The following SLC44A5 variants were observed in gnomAD, a reference collection of about 807,000 sequenced individuals.
The protein encoded by SLC44A5 is choline transporter-like protein 5.
SLC44A5 carries 57 observed loss-of-function variants against 101.8 expected under a neutral mutation model. The ratio of observed to expected loss-of-function variants is 0.56; its 90% CI spans 0.45 to 0.70. The LOEUF (loss-of-function observed/expected upper bound fraction) is 0.70. SLC44A5 is among the 30% of genes least tolerant of loss of function. The probability of loss-of-function intolerance (pLI) is 0.00; values close to 1 mark genes in which losing one functional copy is unlikely to be tolerated. For missense variants in SLC44A5, 737 were observed against 853.1 expected (o/e 0.86, Z 1.70); for synonymous variants, 281 against 290.9 (o/e 0.97, Z 0.35).
At chr1:75,685,303 T>C in the SLC44A5 span, among the ~76,000 whole-genome samples, 1 of 152,196 alleles carries the variant, frequency 6.6e-6, no homozygotes, top group Admixed American at 6.5e-5. Context: ...TTCCCCATTG[T>C]CTTGATGATT....
intron 2 of SLC44A5, among the ~76,000 whole-genome samples, chr1:75,476,845 A>G (rs1037596795): frequency 6.6e-6 from 1 of 152,248 alleles, no homozygotes; most frequent in African/African-American, 2.4e-5. Context: ...ACAAAAAGAC[A>G]GCAGTAACCT....
At chr1:75,369,532 A>G (rs1329783413) in intron 3 of SLC44A5, among the ~76,000 whole-genome samples, 20 of 152,158 alleles carry the variant, frequency 1.3e-4, no homozygotes, top group Admixed American at 1.2e-3. Flanking sequence ...AGATACATAC[A>G]TTCCATAAAA....
the SLC44A5 span, among the ~76,000 whole-genome samples, chr1:75,644,734 C>T: frequency 2.6e-5 from 4 of 152,000 alleles, no homozygotes; most frequent in Non-Finnish European, 5.9e-5. Flanking sequence ...TGGTGTGCTG[C>T]ACCTATTAAC....
upstream of SLC44A5, among the ~76,000 whole-genome samples, chr1:75,611,317 T>C (rs1675646368): frequency 2.0e-5 from 3 of 152,144 alleles, no homozygotes; most frequent in African/African-American, 7.2e-5. Context: ...AAGAAGTAGG[T>C]AGTTTGGAGG....
chr1:75,221,960 CTTTTT>C (rs1386952425), intron 14 of SLC44A5, among the ~76,000 whole-genome samples: 1 of 97,184 alleles, frequency 1.0e-5, no homozygotes, highest in Non-Finnish European at 1.9e-5. Context: ...TCTTCTTCTT[CTTTTT>C]TTTTTTTTTT....
upstream of SLC44A5, chr1:75,616,018 G>T: frequency 2.3e-6 from 1 of 436,426 alleles, no homozygotes. Flanking sequence ...GCGAGCAGCA[G>T]CGGCGGCCGG....
chr1:75,678,821 G>A, the SLC44A5 span, among the ~76,000 whole-genome samples: 7 of 152,086 alleles, frequency 4.6e-5, no homozygotes, highest in East Asian at 5.8e-4. Flanking sequence ...CCTGAGCTAT[G>A]GGAGGACATT....
intron 3 of SLC44A5, among the ~76,000 whole-genome samples, chr1:75,375,985 G>C (rs576362730): frequency 1.3e-5 from 2 of 152,304 alleles, no homozygotes; most frequent in African/African-American, 4.8e-5. Flanking sequence ...TGTGTGCACC[G>C]TGTGCGAGCC....
intron 6 of SLC44A5, among the ~76,000 whole-genome samples, chr1:75,269,826 G>T (rs1294591790): frequency 6.6e-6 from 1 of 152,078 alleles, no homozygotes; most frequent in Non-Finnish European, 1.5e-5. Flanking sequence ...GATATGGTTT[G>T]GCTGTATCCC....
chr1:75,455,573 C>T (rs867984807), intron 2 of SLC44A5, among the ~76,000 whole-genome samples: 4 of 152,132 alleles, frequency 2.6e-5, no homozygotes, highest in Middle Eastern at 3.4e-3. Flanking sequence ...ACAAGGTAAA[C>T]AGGACAGCCT....
intron 3 of SLC44A5, among the ~76,000 whole-genome samples, chr1:75,341,515 A>G (rs1657879423): frequency 6.6e-6 from 1 of 151,984 alleles, no homozygotes; most frequent in African/African-American, 2.4e-5. Context: ...GGAAAGGAAG[A>G]GAAAAGAAAG....
chr1:75,324,780 ATTTGT>A (rs1436481019), intron 4 of SLC44A5, among the ~76,000 whole-genome samples: 1 of 152,178 alleles, frequency 6.6e-6, no homozygotes, highest in East Asian at 1.9e-4. Context: ...TCCAGGTGAC[ATTTGT>A]TTTATTTTTA....
intron 22 of SLC44A5, among the ~76,000 whole-genome samples, 173 bp downstream of exon 22, chr1:75,213,532 G>T (rs1320735800): frequency 6.6e-6 from 1 of 152,132 alleles, no homozygotes. Flanking sequence ...ACAGGAGGGT[G>T]TCTCTCTGCT....
intron 2 of SLC44A5, among the ~76,000 whole-genome samples, chr1:75,457,237 G>A (rs564563973): frequency 9.9e-5 from 15 of 152,216 alleles, no homozygotes; most frequent in Middle Eastern, 6.8e-3. Context: ...AGTGCCTACC[G>A]TATGCTTGGG....
chr1:75,555,352 G>A (rs1049497290), intron 1 of SLC44A5, among the ~76,000 whole-genome samples: 7 of 151,986 alleles, frequency 4.6e-5, no homozygotes, highest in Non-Finnish European at 8.8e-5. Flanking sequence ...AATTGGTTTG[G>A]TGGCTCTACA....
chr1:75,617,379 T>A, the SLC44A5 span, among the ~76,000 whole-genome samples: 2 of 152,124 alleles, frequency 1.3e-5, no homozygotes, highest in Non-Finnish European at 2.9e-5. Context: ...AACAGTGAAG[T>A]CAAAAACCCC....
At chr1:75,302,112 G>GTGTTTTT in intron 4 of SLC44A5, among the ~76,000 whole-genome samples, 1 of 60,138 alleles carries the variant, frequency 1.7e-5, no homozygotes, top group Non-Finnish European at 2.8e-5. Context: ...TAGTTTTTTT[G>GTGTTTTT]TTTTTTTTTT....
At chr1:75,595,268 T>C (rs1674569501) in intron 1 of SLC44A5, among the ~76,000 whole-genome samples, 1 of 152,106 alleles carries the variant, frequency 6.6e-6, no homozygotes, top group East Asian at 1.9e-4. Context: ...GAAAAGACTT[T>C]GCCTAAGGGC....
At chr1:75,317,366 A>G (rs938562667) in intron 4 of SLC44A5, among the ~76,000 whole-genome samples, 1 of 152,254 alleles carries the variant, frequency 6.6e-6, no homozygotes, top group Admixed American at 6.5e-5. Context: ...TTTTAATGCC[A>G]GAGACATAGT....
Sources: allele counts gnomAD v4.1 joint callset (sites outside exome capture counted in the v4.1 genomes callset), GRCh38; gene constraint gnomAD v4.1.1; transcripts MANE v1.5; gene names NCBI Gene and HGNC (gene_info 2026-07-23, HGNC 2026-07-21).